The following URM1 variants were observed in gnomAD, a reference collection of about 807,000 sequenced individuals.
URM1 encodes ubiquitin related modifier 1, also known as ubiquitin-related modifier 1.
In URM1, 11 loss-of-function variants were observed where a neutral mutation model predicts 17.7. The ratio of observed to expected loss-of-function variants is 0.62; its 90% confidence interval spans 0.39 to 1.03. The LOEUF (loss-of-function observed/expected upper bound fraction) is 1.03. Ranked by LOEUF, URM1 falls within the 50% of genes least tolerant of loss-of-function variation. The pLI is 0.00. For synonymous variants in URM1, 48 were observed against 50.6 expected, an observed-to-expected ratio of 0.95 and a Z score of 0.22; for missense variants, 128 against 129.2, an observed-to-expected ratio of 0.99 and a Z score of 0.04.
At chr9:128,388,316 C>T in intron 3 of URM1, 1 of 1,016,316 alleles carries the variant, frequency 9.8e-7, no homozygotes, top group Non-Finnish European at 1.2e-6. Context: ...GATTACCATA[C>T]AGTGCAGCAC....
In URM1 at chr9:128,387,940, G is replaced by A. The variant is rs1833250000; in HGVS notation, c.188+43G>A. ...CTTCCCTGAAGCAGGTGGAGGGAGGGACGGATATTTGAGCCCCCACCCTCG... is the reference window on the plus strand; with the variant it reads ...CTTCCCTGAAGCAGGTGGAGGGAGGAACGGATATTTGAGCCCCCACCCTCG... On this transcript the variant is annotated intron_variant, in intron 3 of 4. Transcript: ENST00000372853. This position sits in a 1 kb window ranked among gnomAD's most constrained non-coding sequence, Gnocchi z 4.3. The A allele has an allele frequency of 6.2e-7, 1 of 1,612,256 alleles. No homozygotes were observed.
intron 1 of URM1, among the ~76,000 whole-genome samples, chr9:128,373,743 T>C (rs1376292130): frequency 6.6e-6 from 1 of 152,142 alleles, no homozygotes; most frequent in Admixed American, 6.6e-5. Flanking sequence ...TGGGGAGGTA[T>C]TGGCAAAAGG....
rs1242040313 is a variant in URM1, at chr9:128,391,838, T to C, written c.*2104T>C. 2.6e-5 allele frequency: 4 copies of C among 152,164 alleles called. 1 individual carries two copies. In the East Asian group the frequency reaches 7.7e-4, roughly 29 times the overall value. 9.4% of individuals were successfully genotyped at this position (152,164 alleles called of 1,614,324 possible). ...GGGGGTGCAAGCACTGTGGTTGAAA[T>C]TGGCCATGTCCAAGGCACACCAGAC... On this transcript the variant is annotated 3_prime_UTR_variant, in exon 5 of 5. Coordinates refer to ENST00000372853, the MANE Select transcript of URM1 (RefSeq NM_030914.4).
intron 1 of URM1, among the ~76,000 whole-genome samples, chr9:128,376,496 A>T (rs540600831): frequency 7.9e-6 from 1 of 127,232 alleles, no homozygotes; most frequent in South Asian, 2.6e-4. Context: ...TGTCTCTATT[A>T]AAAAAAAATA....
At chr9:128,378,542 CAAAAAAAAAAAAAA>C (rs58676800) in intron 2 of URM1, among the ~76,000 whole-genome samples, 56 of 23,026 alleles carry the variant, frequency 2.4e-3, no homozygotes, top group East Asian at 8.6e-3. Flanking sequence ...GACTCCATCT[CAAAAAAAAAAAAAA>C]AAAAAAAAAA....
In URM1 at chr9:128,387,681, A is replaced by C; in HGVS notation, c.107-135A>C. ...CCTCACCTTTGGAATCTACAAGTTC[A>C]TGGGCTATCACAGCCTGGTCTAAAA... On this transcript the variant is annotated intron_variant, in intron 2 of 4. Coordinates refer to ENST00000372853, the MANE Select transcript of URM1 (RefSeq NM_030914.4). This position sits in a 1 kb window ranked among gnomAD's most constrained non-coding sequence, Gnocchi z 4.3. 4 of 1,422,928 alleles carry C rather than the reference A, an allele frequency of 2.8e-6. No homozygotes were observed. In the South Asian group the frequency reaches 4.0e-5, roughly 14 times the overall value. 88.1% of individuals were successfully genotyped at this position (1,422,928 alleles called of 1,614,324 possible).
intron 2 of URM1, among the ~76,000 whole-genome samples, chr9:128,378,538 A>C (rs551091478): frequency 4.4e-5 from 5 of 112,910 alleles, no homozygotes; most frequent in African/African-American, 1.9e-4. Flanking sequence ...GCAAGACTCC[A>C]TCTCAAAAAA....
chr9:128,382,430 G>A (rs944343702), intron 2 of URM1, among the ~76,000 whole-genome samples: 2 of 152,114 alleles, frequency 1.3e-5, no homozygotes, highest in African/African-American at 4.8e-5. Flanking sequence ...CCTAGGGGCT[G>A]CCACTTGGCC....
At chr9:128,375,957 G>A (rs1221637102) in intron 1 of URM1, among the ~76,000 whole-genome samples, 2 of 152,148 alleles carry the variant, frequency 1.3e-5, no homozygotes, top group African/African-American at 2.4e-5. Flanking sequence ...TTCACATCGG[G>A]GCCGGCAGCT....
At chr9:128,375,759 C>A (rs1053049171) in intron 1 of URM1, among the ~76,000 whole-genome samples, 1 of 151,848 alleles carries the variant, frequency 6.6e-6, no homozygotes, top group African/African-American at 2.4e-5. Flanking sequence ...AAGGTGTTGC[C>A]ATGTTGCCCA....
Position 128,378,028 on chromosome 9 carries a change from C to T in URM1, c.36-8C>T, listed in dbSNP as rs766974145. On this transcript the variant is annotated splice_region_variant and splice_polypyrimidine_tract_variant and intron_variant, in intron 1 of 4. Coordinates refer to ENST00000372853, the MANE Select transcript of URM1 (RefSeq NM_030914.4). The stretch of plus-strand genomic sequence containing the variant: ...CTGGCTGTCTTTTTCTCTGGTCCTC[C>T]TTTGCAGAGGTGGTGCGGAGCTCCT... 6.2e-7 allele frequency: 1 copy of T among 1,611,088 alleles called. No homozygotes were observed. Among genetic ancestry groups the T allele is most frequent in the Non-Finnish European group, 8.5e-7 (1 of 1,178,802 alleles).
rs374191377 is a variant in URM1 at position 128,378,075 on chromosome 9, T to A, written c.75T>A (p.His25Gln). Residue 25 changes from histidine (H) to glutamine (Q), a missense_variant, in exon 2 of 5, where the codon CAT (histidine) becomes CAA (glutamine). Coordinates refer to ENST00000372853, the MANE Select transcript of URM1 (RefSeq NM_030914.4). ...TCCTGTTTGACGGTATTAAGAAACA[T>A]CGAGTCACTTTGCCTGGACAGGAGG... ...AELLFDGIKK[H>Q]RVTLPGQEEP... 6.2e-7 allele frequency: 1 copy of A among 1,611,254 alleles called. No homozygotes were observed. The highest frequency in any genetic ancestry group is 8.5e-7 in the Non-Finnish European group (1 of 1,178,780).
At position 128,389,822 on chromosome 9, in the gene URM1, C is replaced by G. The variant is rs1588589246; in HGVS notation, c.*88C>G. 6.4e-7 allele frequency: 1 copy of G among 1,562,676 alleles called. No individual in the cohort carries two copies. The highest frequency in any genetic ancestry group is 8.7e-7 in the Non-Finnish European group (1 of 1,145,686). On this transcript the variant is annotated 3_prime_UTR_variant, in exon 5 of 5. Coordinates refer to ENST00000372853, the MANE Select transcript of URM1 (RefSeq NM_030914.4). The stretch of plus-strand genomic sequence containing the variant: ...GGCCCTGCTTCCAGGTCTCCCTGTC[C>G]CCCTTGCCTGCCTTCTTCCCTGCTC...
In URM1 at chr9:128,389,279, G is replaced by T. The variant is rs753474388; in HGVS notation, c.207G>T (p.Val69=). ...CCCACAGGCGGCCAGGAATTCTGGT[G>T]CTGATTAACGATGCCGACTGGGAGC... ...QGDSVRPGIL[V]LINDADWELL... The change falls in exon 4 of 5, where the codon GTG becomes GTT. Residue 69 remains valine, a synonymous_variant. Coordinates refer to ENST00000372853, the MANE Select transcript of URM1 (RefSeq NM_030914.4). 29 of 1,604,912 alleles carry T rather than the reference G, an allele frequency of 1.8e-5. No homozygotes were observed. The highest frequency in any genetic ancestry group is 2.5e-5 in the Non-Finnish European group (29 of 1,173,894).
At chr9:128,377,997 G>A (rs1286381944) in intron 1 of URM1, 39 bp from the exon 2 acceptor site, 12 of 1,608,838 alleles carry the variant, frequency 7.5e-6, no homozygotes, top group Non-Finnish European at 9.3e-6. Flanking sequence ...ATTTGCAGGA[G>A]CTCACCTGGC....
Position 128,387,685 on chromosome 9 carries a change from G to A in URM1, c.107-131G>A. 6.9e-7 allele frequency: 1 copy of A among 1,442,162 alleles called. No individual in the cohort carries two copies. The highest frequency in any genetic ancestry group is 9.4e-7 in the Non-Finnish European group (1 of 1,062,586). The allele number at this position is 1,442,162 out of a possible 1,614,324, so 89.3% of individuals were successfully genotyped here. On this transcript the variant is annotated intron_variant, in intron 2 of 4. Coordinates refer to ENST00000372853, the MANE Select transcript of URM1 (RefSeq NM_030914.4). The surrounding 1 kb of genome is among the most constrained non-coding windows in gnomAD (Gnocchi z 4.3). ...ACCTTTGGAATCTACAAGTTCATGG[G>A]CTATCACAGCCTGGTCTAAAAGAAG...
intron 2 of URM1, among the ~76,000 whole-genome samples, chr9:128,382,898 CTG>C (rs1292652100): frequency 6.6e-6 from 1 of 152,156 alleles, no homozygotes; most frequent in East Asian, 1.9e-4. Context: ...GAGTTGGCCT[CTG>C]TGATTCAAGC....
Position 128,390,226 on chromosome 9 carries a change from T to G in URM1, c.*492T>G, listed in dbSNP as rs1833291494. 1 of 160,140 alleles carries G rather than the reference T, an allele frequency of 6.2e-6. No homozygotes were observed. The allele number at this position is 160,140 out of a possible 1,614,324, so 9.9% of individuals were successfully genotyped here. A position where few individuals can be genotyped will look rare whatever the true frequency, so the allele number is the denominator to read the frequency against. ...TGTCTGTACAGCTGAGGGCTCTGCCTGTCCCCCACTGCTATCAGTATGGAA... is the reference window on the plus strand; with the variant it reads ...TGTCTGTACAGCTGAGGGCTCTGCCGGTCCCCCACTGCTATCAGTATGGAA... On this transcript the variant is annotated 3_prime_UTR_variant, in exon 5 of 5. Transcript: ENST00000372853.
chr9:128,384,808 T>A (rs568766790), intron 2 of URM1, among the ~76,000 whole-genome samples: 11 of 152,132 alleles, frequency 7.2e-5, no homozygotes, highest in Non-Finnish European at 1.6e-4. Flanking sequence ...GGCTTCCTAT[T>A]ACCTAAGGTA....
Sources: allele counts gnomAD v4.1 joint callset (sites outside exome capture counted in the v4.1 genomes callset), GRCh38; gene constraint gnomAD v4.1.1; non-coding constraint Gnocchi (gnomAD v3.1); transcripts MANE v1.5; gene names NCBI Gene and HGNC (gene_info 2026-07-23, HGNC 2026-07-21).